Variants in DYRK4 observed in about 807,000 individuals in gnomAD.
DYRK4 encodes the protein dual specificity tyrosine phosphorylation regulated kinase 4.
DYRK4 carries 64 observed loss-of-function variants against 68.3 expected under a neutral mutation model. The ratio of observed to expected loss-of-function variants is 0.94; its 90% CI spans 0.77 to 1.15. The LOEUF (loss-of-function observed/expected upper bound fraction) is 1.15, where lower values mean the gene tolerates loss of function less well. Among genes scored for constraint, DYRK4 ranks in the 50% most tolerant of loss-of-function variants. The probability of loss-of-function intolerance (pLI) is 0.00; values close to 1 mark genes in which losing one functional copy is unlikely to be tolerated. For missense variants in DYRK4, 740 were observed against 764.7 expected (o/e 0.97, Z 0.38); for synonymous variants, 274 against 289.9 (o/e 0.95, Z 0.56).
intron 2 of DYRK4, among the ~76,000 whole-genome samples, chr12:4,586,954 A>G (rs1049634461): frequency 6.6e-6 from 1 of 152,230 alleles, no homozygotes; most frequent in African/African-American, 2.4e-5. Flanking sequence ...TTACATGAAG[A>G]TAGGCTAATA....
At chr12:4,588,721 A>C (rs1054973841) in intron 2 of DYRK4, among the ~76,000 whole-genome samples, 1 of 152,264 alleles carries the variant, frequency 6.6e-6, no homozygotes. Flanking sequence ...GGCCAAGCCC[A>C]TCCAGGATGA....
At chr12:4,604,125 T>C (rs1945112770) in intron 10 of DYRK4, among the ~76,000 whole-genome samples, 1 of 152,236 alleles carries the variant, frequency 6.6e-6, no homozygotes, top group Non-Finnish European at 1.5e-5. Context: ...TCTATAAAAG[T>C]ACTTGGAATC....
rs751245987 is a variant in DYRK4 at position 4,591,652 on chromosome 12, G to A, written c.463+354G>A. 4.2e-6 allele frequency: 1 copy of A among 236,542 alleles called. No homozygotes were observed. Among genetic ancestry groups the A allele is most frequent in the South Asian group, 1.1e-4 (1 of 9,248 alleles). 14.7% of individuals were successfully genotyped at this position (236,542 alleles called of 1,614,324 possible). ...CACTGAGAGAGTGGAAGAGCCAGGA[G>A]TGGAAAGGTACTGAATACTGAGAGC... On this transcript the variant is annotated intron_variant, in intron 5 of 14. Coordinates refer to ENST00000543431, the MANE Select transcript of DYRK4 (RefSeq NM_001394779.1). The surrounding 1 kb of genome is among the most constrained non-coding windows in gnomAD (Gnocchi z 4.1).
intron 13 of DYRK4, 28 bp downstream of exon 13, chr12:4,610,312 T>G: frequency 6.6e-7 from 1 of 1,505,872 alleles, no homozygotes. Flanking sequence ...TCTCTGCTTC[T>G]GGGTTTCCTC....
chr12:4,595,503 T>G (rs536077228), intron 6 of DYRK4, among the ~76,000 whole-genome samples: 3 of 152,288 alleles, frequency 2.0e-5, no homozygotes, highest in Non-Finnish European at 4.4e-5. Flanking sequence ...CTCCCTAGTT[T>G]CCAGCATAGG....
chr12:4,565,751 G>T (rs949446829), intron 1 of DYRK4, among the ~76,000 whole-genome samples: 1 of 151,658 alleles, frequency 6.6e-6, no homozygotes, highest in Non-Finnish European at 1.5e-5. Flanking sequence ...TCATCCTCCC[G>T]AGTAGCTGGG....
rs1282662895 is a variant in DYRK4 at position 4,613,609 on chromosome 12, A to G, written c.1761A>G (p.Gly587=). 2.5e-6 allele frequency: 4 copies of G among 1,614,168 alleles called. No homozygotes were observed. The highest frequency in any genetic ancestry group is 3.4e-6 in the Non-Finnish European group (4 of 1,180,010). ...ATCAGCAGGACTGTCTCCAGCACGG[A>G]GCTGACACTGTTCAGCTGCCTCAAC... ...SGDQQDCLQH[G]ADTVQLPQLV... The change falls in exon 15 of 15, where the codon GGA becomes GGG. Residue 587 remains glycine, a synonymous_variant. Coordinates refer to ENST00000543431, the MANE Select transcript of DYRK4 (RefSeq NM_001394779.1). The surrounding 1 kb of genome is among the most constrained non-coding windows in gnomAD (Gnocchi z 4.0).
Position 4,578,774 on chromosome 12 carries a change from C to T in DYRK4, c.133-10163C>T, listed in dbSNP as rs772716840. On this transcript the variant is annotated intron_variant, in intron 2 of 14. Transcript: ENST00000543431. ...TGGTTTGCCAAGGCCACACAGCCAGCGAGTGGCAGCATAGGAATGCCAGTC... is the reference window on the plus strand; with the variant it reads ...TGGTTTGCCAAGGCCACACAGCCAGTGAGTGGCAGCATAGGAATGCCAGTC... Among the ~76,000 whole-genome samples the T allele has an allele frequency of 6.0e-4, 92 of 152,120 alleles. 3 individuals are homozygous for T. The highest frequency in any genetic ancestry group is 5.6e-4 in the African/African-American group (23 of 41,418).
chr12:4,562,217 C>G lies in DYRK4; in HGVS notation c.-29C>G. ...CCTCTGCCGGGCTCTCACAGCCTCCCGCAGCGGCGGGCGGTCAGCGCCGGC... is the reference window on the plus strand; with the variant it reads ...CCTCTGCCGGGCTCTCACAGCCTCCGGCAGCGGCGGGCGGTCAGCGCCGGC... On this transcript the variant is annotated 5_prime_UTR_variant, in exon 1 of 15. Coordinates refer to ENST00000543431, the MANE Select transcript of DYRK4 (RefSeq NM_001394779.1). 6 of 1,524,820 alleles carry G rather than the reference C, an allele frequency of 3.9e-6. No homozygotes were observed. Among genetic ancestry groups the G allele is most frequent in the Non-Finnish European group, 5.3e-6 (6 of 1,141,498 alleles). 94.5% of individuals were successfully genotyped at this position (1,524,820 alleles called of 1,614,324 possible). A position where few individuals can be genotyped will look rare whatever the true frequency, so the allele number is the denominator to read the frequency against.
rs752043678 is a variant in DYRK4 at position 4,593,105 on chromosome 12, C to T, written c.567C>T (p.Asp189=). ...TGGGTCTTGAAGCCAAGAAGCTCGA[C>T]ACGGCTCCTGAGAAATTTAGCAAGA... ...WFLGLEAKKL[D]TAPEKFSKTS... is the part of the protein sequence containing the mutation. The change falls in exon 6 of 15, where the codon GAC becomes GAT. Residue 189 remains aspartate (D), a synonymous_variant. Transcript: ENST00000543431. 6.2e-7 allele frequency: 1 copy of T among 1,614,164 alleles called. No individual in the cohort carries two copies. Among genetic ancestry groups the T allele is most frequent in the South Asian group, 1.1e-5 (1 of 91,080 alleles).
chr12:4,590,239 G>A, intron 3 of DYRK4, 91 bp from the exon 4 acceptor site: 1 of 1,452,938 alleles, frequency 6.9e-7, no homozygotes, highest in South Asian at 1.5e-5. Flanking sequence ...ATTCTTGTTG[G>A]GGAATTGGGA....
At chr12:4,607,186 C>T in intron 11 of DYRK4, 141 bp from the exon 12 acceptor site, 1 of 871,894 alleles carries the variant, frequency 1.1e-6, no homozygotes. Context: ...TGGGTTTGCT[C>T]TGCTACTGAC....
At chr12:4,567,218 G>A (rs1944685790) in intron 1 of DYRK4, 1 of 152,242 alleles carries the variant, frequency 6.6e-6, no homozygotes, top group Admixed American at 6.5e-5. Flanking sequence ...TGCCAGTGGA[G>A]TGATTTGCAG....
intron 4 of DYRK4, chr12:4,590,659 G>C (rs565750959): frequency 1.0e-6 from 1 of 991,226 alleles, no homozygotes; most frequent in African/African-American, 1.7e-5. Context: ...AGAGCTGTCA[G>C]GAGGATTCAT....
Position 4,581,687 on chromosome 12 carries a change from T to A in DYRK4, c.133-7250T>A, listed in dbSNP as rs147190707. On this transcript the variant is annotated intron_variant, in intron 2 of 14. Transcript: ENST00000543431. ...AGCTCAGTTGTCTCCCTGGACAGCC[T>A]AGAGTTGTCTCAGATCTTTCAGGAC... Among the ~76,000 whole-genome samples the A allele has an allele frequency of 1.7e-3, 261 of 152,280 alleles. 2 individuals carry two copies. Among genetic ancestry groups the A allele is most frequent in the African/African-American group, 5.6e-3 (234 of 41,564 alleles).
intron 3 of DYRK4, 61 bp from the exon 4 acceptor site, chr12:4,590,269 A>G: frequency 6.8e-7 from 1 of 1,474,332 alleles, no homozygotes; most frequent in African/African-American, 1.4e-5. Flanking sequence ...GGAAGAAATG[A>G]CCCCTGGAGA....
chr12:4,565,882 G>A (rs1227655910), intron 1 of DYRK4, among the ~76,000 whole-genome samples: 1 of 151,888 alleles, frequency 6.6e-6, no homozygotes, highest in Non-Finnish European at 1.5e-5. Context: ...ACCCGCCACG[G>A]CCTCCCAAAG....
At chr12:4,580,921 G>A (rs558212163) in intron 2 of DYRK4, 4 of 455,252 alleles carry the variant, frequency 8.8e-6, no homozygotes, top group Non-Finnish European at 1.8e-5. Flanking sequence ...TTCCGAAAAG[G>A]CTGGGTGGCC....
chr12:4,588,290 TCAATGTG>T (rs1264422795), intron 2 of DYRK4, among the ~76,000 whole-genome samples: 11 of 152,344 alleles, frequency 7.2e-5, no homozygotes, highest in Admixed American at 3.3e-4. Context: ...CGTTACAAGT[TCAATGTG>T]CTTGTTACAG....
Sources: gnomAD v4.1 joint callset for allele counts (sites outside exome capture counted in the v4.1 genomes callset) on GRCh38, gnomAD v4.1.1 for gene constraint, Gnocchi (gnomAD v3.1) non-coding constraint, MANE v1.5 for transcripts, NCBI Gene and HGNC (gene_info 2026-07-23, HGNC 2026-07-21) for gene names.